TEC: variants seen among roughly 807,000 people sequenced by gnomAD.
TEC encodes tyrosine-protein kinase Tec.
A neutral mutation model predicts 93.0 loss-of-function variants in TEC; 72 were observed. The ratio of observed to expected loss-of-function variants is 0.77; its 90% CI spans 0.64 to 0.94. The LOEUF (loss-of-function observed/expected upper bound fraction) is 0.94. Ranked by LOEUF, TEC falls within the 40% of genes least tolerant of loss-of-function variation. The pLI is 0.00. For missense variants in TEC, 630 were observed against 757.9 expected (o/e 0.83, Z 1.98); for synonymous variants, 249 against 247.7 (o/e 1.01, Z -0.05).
At chr4:48,176,035 C>T in intron 3 of TEC, 47 bp downstream of exon 3, 1 of 1,431,558 alleles carries the variant, frequency 7.0e-7, no homozygotes, top group East Asian at 2.3e-5. Context: ...AAAGAGCAAA[C>T]ATGACTAAGC....
intron 10 of TEC, among the ~76,000 whole-genome samples, chr4:48,150,100 C>T (rs896374068): frequency 6.6e-5 from 10 of 152,144 alleles, no homozygotes; most frequent in African/African-American, 2.4e-4. Flanking sequence ...GAGCACAGAT[C>T]TTCTCTAGTC....
intron 8 of TEC, among the ~76,000 whole-genome samples, chr4:48,160,063 T>C (rs1288404985): frequency 2.6e-5 from 4 of 152,254 alleles, no homozygotes; most frequent in African/African-American, 9.6e-5. Flanking sequence ...CTAAGCACGT[T>C]ACATTTATTA....
intron 9 of TEC, among the ~76,000 whole-genome samples, chr4:48,151,951 T>C (rs1031063189): frequency 6.6e-6 from 1 of 152,216 alleles, no homozygotes; most frequent in Non-Finnish European, 1.5e-5. Context: ...CTCTGTCCAG[T>C]AACACTACCA....
At chr4:48,164,987 C>T (rs908052695) in intron 7 of TEC, among the ~76,000 whole-genome samples, 9 of 151,276 alleles carry the variant, frequency 5.9e-5, no homozygotes, top group East Asian at 1.9e-4. Context: ...CTCCAGCCTG[C>T]GAGACAGAAC....
intron 9 of TEC, chr4:48,153,485 A>T (rs561440579): frequency 6.6e-6 from 1 of 152,232 alleles, no homozygotes; most frequent in Non-Finnish European, 1.5e-5. Context: ...AACCAGTTAC[A>T]GATTTCTTTT....
At chr4:48,162,968 A>G (rs143907057) in intron 8 of TEC, among the ~76,000 whole-genome samples, 28 of 152,368 alleles carry the variant, frequency 1.8e-4, no homozygotes, top group Non-Finnish European at 3.5e-4. Context: ...CCTGTAGCCC[A>G]GCACATAGAT....
At chr4:48,189,839 C>T (rs1033667318) in intron 2 of TEC, among the ~76,000 whole-genome samples, 2 of 152,180 alleles carry the variant, frequency 1.3e-5, no homozygotes, top group African/African-American at 4.8e-5. Context: ...CTTGTTTAAG[C>T]CTTCCAATGA....
rs76937751 is a variant in TEC at position 48,256,963 on chromosome 4, G to A, written c.-46+12789C>T. Reference sequence around the variant, plus strand: ...AATGAGCACTTGAAATGAAGCCAGTGCGAATGGCGAACCACATTTTTTATT... The same window carrying A: ...AATGAGCACTTGAAATGAAGCCAGTACGAATGGCGAACCACATTTTTTATT... On this transcript the variant is annotated intron_variant, in intron 1 of 17. Transcript: ENST00000381501. 1.6e-3 allele frequency among the ~76,000 whole-genome samples: 245 copies of A among 152,280 alleles called. 8 individuals carry two copies. The East Asian group carries it at 0.045, about 28-fold the overall frequency.
chr4:48,228,493 T>A lies in TEC; in HGVS notation c.122A>T (p.Tyr41Phe), dbSNP rs143319990. The A allele has an allele frequency of 4.4e-6, 7 of 1,608,768 alleles. No homozygotes were observed. The highest frequency in any genetic ancestry group is 5.9e-6 in the Non-Finnish European group (7 of 1,178,970). Residue 41 changes from tyrosine to phenylalanine, a missense_variant, in exon 2 of 18, where the codon TAT becomes TTT. Coordinates refer to ENST00000381501, the MANE Select transcript of TEC (RefSeq NM_003215.3). ...GTCTCTTACCTCTGCTCGACCCTCA[T>A]AGTAGGTTAGCATGGACTTTGTAAG... is the stretch of plus-strand genomic sequence containing the variant. The part of the protein sequence containing the change: ...FVLTKSMLTY[Y>F]EGRAEKKYRK...
chr4:48,182,710 G>A (rs1327943380), intron 2 of TEC, among the ~76,000 whole-genome samples: 2 of 152,132 alleles, frequency 1.3e-5, no homozygotes, highest in Non-Finnish European at 2.9e-5. Context: ...CTGAATGGCA[G>A]AACTCGGAGT....
At chr4:48,207,618 CAAAAA>C (rs34141042) in intron 2 of TEC, among the ~76,000 whole-genome samples, 7 of 102,514 alleles carry the variant, frequency 6.8e-5, no homozygotes, top group Admixed American at 1.1e-4. Flanking sequence ...CATGTCTCTA[CAAAAA>C]AAAAAAAAAA....
chr4:48,176,006 G>T, intron 3 of TEC, 76 bp downstream of exon 3: 2 of 1,079,172 alleles, frequency 1.9e-6, no homozygotes, highest in Non-Finnish European at 2.8e-6. Context: ...GCAAAGCAAG[G>T]ACAGGAAACT....
chr4:48,178,032 G>A (rs1247781419), intron 2 of TEC, among the ~76,000 whole-genome samples: 3 of 152,112 alleles, frequency 2.0e-5, no homozygotes, highest in African/African-American at 4.8e-5. Flanking sequence ...AGCAGTGTGA[G>A]AATGGACTAA....
At chr4:48,250,429 T>G (rs976233850) in intron 1 of TEC, among the ~76,000 whole-genome samples, 4 of 152,206 alleles carry the variant, frequency 2.6e-5, no homozygotes, top group Admixed American at 2.6e-4. Context: ...TTCACACCTG[T>G]CTGAATTCCT....
At chr4:48,173,416 C>T (rs750390595) in intron 3 of TEC, among the ~76,000 whole-genome samples, 7 of 137,224 alleles carry the variant, frequency 5.1e-5, no homozygotes, top group Non-Finnish European at 8.0e-5. Context: ...AGGAATAGCA[C>T]CCTGTTTTGG....
At chr4:48,155,655 C>T (rs1720368959) in intron 9 of TEC, 2 of 152,140 alleles carry the variant, frequency 1.3e-5, no homozygotes, top group African/African-American at 4.8e-5. Context: ...ATAGTTGATA[C>T]AGGATCACAC....
intron 2 of TEC, among the ~76,000 whole-genome samples, chr4:48,226,368 G>C (rs1366699442): frequency 7.0e-6 from 1 of 142,640 alleles, no homozygotes; most frequent in East Asian, 2.0e-4. Context: ...AAGTTACACT[G>C]AGTGTGCCTC....
intron 2 of TEC, among the ~76,000 whole-genome samples, chr4:48,191,596 T>C (rs1249734947): frequency 6.6e-6 from 1 of 152,166 alleles, no homozygotes; most frequent in African/African-American, 2.4e-5. Context: ...GCAGAACCAT[T>C]CTTTCTCTTA....
chr4:48,219,489 C>A (rs1432311737), intron 2 of TEC, among the ~76,000 whole-genome samples: 1 of 152,218 alleles, frequency 6.6e-6, no homozygotes, highest in Non-Finnish European at 1.5e-5. Flanking sequence ...TCATGCTCCT[C>A]CTGTACTCCT....
Sources: gnomAD v4.1 joint callset for allele counts (sites outside exome capture counted in the v4.1 genomes callset) on GRCh38, gnomAD v4.1.1 for gene constraint, MANE v1.5 for transcripts, NCBI Gene and HGNC (gene_info 2026-07-23, HGNC 2026-07-21) for gene names.